Variants in GLUL observed in about 807,000 individuals in gnomAD.
GLUL encodes the protein glutamate-ammonia ligase.
A neutral mutation model predicts 36.9 loss-of-function variants in GLUL; 8 were observed. The ratio of observed to expected loss-of-function variants is 0.22; its 90% confidence interval spans 0.13 to 0.39. GLUL has a LOEUF of 0.39. Ranked by LOEUF, GLUL falls within the 10% of genes least tolerant of loss-of-function variation. The pLI is 1.00. For missense variants in GLUL, 315 were observed against 501.8 expected (o/e 0.63, Z 3.56); for synonymous variants, 182 against 172.8 (o/e 1.05, Z -0.42).
chr1:182,385,009 GA>G, intron 6 of GLUL: 1 of 398,316 alleles, frequency 2.5e-6, no homozygotes, highest in Admixed American at 4.1e-5. Flanking sequence ...TCAAATGCAT[GA>G]ATTTGTCAAC....
At position 182,384,028 on chromosome 1, in the gene GLUL, T is replaced by A; in HGVS notation, c.*377A>T. The A allele has an allele frequency of 3.4e-6, 1 of 298,350 alleles. No individual in the cohort carries two copies. The allele number at this position is 298,350 out of a possible 1,614,324, so 18.5% of individuals were successfully genotyped here. On this transcript the variant is annotated 3_prime_UTR_variant, in exon 7 of 7. Coordinates refer to ENST00000331872, the MANE Select transcript of GLUL (RefSeq NM_001033044.4). ...CAAGTCCTAACCTAACCAGAGTACG[T>A]CAGGTCTTCCCCTTTCAGCTACCTG...
chr1:182,386,014 G>T, intron 4 of GLUL, 127 bp from the exon 5 acceptor site: 1 of 1,033,290 alleles, frequency 9.7e-7, no homozygotes, highest in Non-Finnish European at 1.5e-6. Context: ...CAGGTGCGGG[G>T]CAGGGGAGGG....
chr1:182,384,326 C>T lies in GLUL; in HGVS notation c.*79G>A, dbSNP rs1004555787. The T allele has an allele frequency of 2.4e-5, 23 of 975,304 alleles. No individual in the cohort carries two copies. Among genetic ancestry groups the T allele is most frequent in the African/African-American group, 9.6e-5 (6 of 62,594 alleles). 60.4% of individuals were successfully genotyped at this position (975,304 alleles called of 1,614,324 possible). A position where few individuals can be genotyped will look rare whatever the true frequency, so the allele number is the denominator to read the frequency against. On this transcript the variant is annotated 3_prime_UTR_variant, in exon 7 of 7. Transcript: ENST00000331872. ...GATATTCCACCCTTTGAGTTACAAT[C>T]GGGACAACTGGGAGAGGGGGAAGAG... is the stretch of plus-strand genomic sequence containing the variant.
In GLUL at chr1:182,386,412, AG is replaced by A; in HGVS notation, c.329-11del. 6.3e-7 allele frequency: 1 copy of A among 1,597,632 alleles called. No homozygotes were observed. The highest frequency in any genetic ancestry group is 8.6e-7 in the Non-Finnish European group (1 of 1,164,992). On this transcript the variant is annotated splice_polypyrimidine_tract_variant and intron_variant, in intron 3 of 6. Coordinates refer to ENST00000331872, the MANE Select transcript of GLUL (RefSeq NM_001033044.4). ...TGCCTCAAATTGGTCTCTAGAAAAAAGAGTCAATAATACGCCATCAGGGATC... is the reference window on the plus strand; with the variant it reads ...TGCCTCAAATTGGTCTCTAGAAAAAAAGTCAATAATACGCCATCAGGGATC...
At chr1:182,390,794 T>C (rs1437575995) in intron 1 of GLUL, 3 of 399,130 alleles carry the variant, frequency 7.5e-6, no homozygotes, top group Non-Finnish European at 1.3e-5. Flanking sequence ...CTTCTCGTTG[T>C]CTTCATAATT....
intron 6 of GLUL, chr1:182,385,036 T>G: frequency 3.2e-6 from 1 of 309,040 alleles, no homozygotes. Context: ...CCTGTCACCA[T>G]GACATATGTC....
Position 182,385,483 on chromosome 1 carries a change from T to A in GLUL, c.677A>T (p.His226Leu). 6.2e-7 allele frequency: 1 copy of A among 1,613,992 alleles called. No homozygotes were observed. Among genetic ancestry groups the A allele is most frequent in the Non-Finnish European group, 8.5e-7 (1 of 1,179,884 alleles). ...CACTCCAAAGTCTTCACACACACGA[T>A]GCAAGATGAAACGGGCCACCCAGAG... Reference protein sequence around the residue: ...DHLWVARFILHRVCEDFGVIA... With the variant: ...DHLWVARFILLRVCEDFGVIA... The change falls in exon 6 of 7, where the codon CAT (histidine) becomes CTT (leucine). Residue 226 changes from histidine (H) to leucine (L), a missense_variant. Around this residue, in one of 3 missense-constraint regions of GLUL, gnomAD observed 256 missense variants for 396.1 expected, o/e 0.65. Coordinates refer to ENST00000331872, the MANE Select transcript of GLUL (RefSeq NM_001033044.4).
intron 2 of GLUL, among the ~76,000 whole-genome samples, chr1:182,387,897 A>G (rs1278446013): frequency 6.6e-6 from 1 of 152,226 alleles, no homozygotes; most frequent in African/African-American, 2.4e-5. Flanking sequence ...CAAGTACACA[A>G]TATAGGCTTT....
chr1:182,384,442 T>C lies in GLUL; in HGVS notation c.1085A>G (p.Asn362Ser), dbSNP rs138414181. The C allele has an allele frequency of 7.7e-5, 125 of 1,613,858 alleles. No individual in the cohort carries two copies. In the African/African-American group the frequency reaches 9.9e-4, roughly 13 times the overall value. ...CTGGAAGGGCTCATCGCCGGTTTCATTGAGAAGACACGTGCGGATGAGGGC... is the reference window on the plus strand; with the variant it reads ...CTGGAAGGGCTCATCGCCGGTTTCACTGAGAAGACACGTGCGGATGAGGGC... ...TEALIRTCLL[N>S]ETGDEPFQYK... is the part of the protein sequence containing the mutation. The change falls in exon 7 of 7, where the codon AAT becomes AGT. Residue 362 changes from asparagine to serine, a missense_variant. Asn to Ser is a conservative substitution (Grantham distance 46). Around this residue, in one of 3 missense-constraint regions of GLUL, gnomAD observed 58 missense variants for 89.5 expected, o/e 0.65. Transcript: ENST00000331872.
chr1:182,384,830 A>C (rs1650102198), intron 6 of GLUL, 107 bp from the exon 7 acceptor site: 1 of 817,644 alleles, frequency 1.2e-6, no homozygotes, highest in African/African-American at 1.7e-5. Flanking sequence ...TCATGAGGGC[A>C]GTGGCTGCAT....
Position 182,384,646 on chromosome 1 carries a change from A to C in GLUL, c.881T>G (p.Leu294Arg), listed in dbSNP as rs189435460. 2.5e-4 allele frequency: 398 copies of C among 1,614,156 alleles called. 1 individual carries two copies. Among genetic ancestry groups the C allele is most frequent in the Non-Finnish European group, 1.7e-4 (199 of 1,179,984 alleles). Residue 294 changes from leucine to arginine, a missense_variant, in exon 7 of 7, where the codon CTG becomes CGG. Physicochemically the swap from Leu to Arg is moderately radical, Grantham distance 102 (BLOSUM62 -2). This residue lies in a region of GLUL where 256 missense variants were observed against 396.1 expected (regional missense o/e 0.65). Coordinates refer to ENST00000331872, the MANE Select transcript of GLUL (RefSeq NM_001033044.4). ...TCCAGTTAGACGTCGGGCATTGTCC[A>C]GGCCTCCCTTGGGATCATAGGCACG... is the stretch of plus-strand genomic sequence containing the variant. ...HIRAYDPKGG[L>R]DNARRLTGFH...
Position 182,384,394 on chromosome 1 carries a change from G to A in GLUL, c.*11C>T, listed in dbSNP as rs1322667427. On this transcript the variant is annotated 3_prime_UTR_variant, in exon 7 of 7. Transcript: ENST00000331872. ...ACTAGGAGGGGCTCAACAGCTGGAG[G>A]TCTAGTCCACTTAATTTTTGTACTG... 1 of 1,581,566 alleles carries A rather than the reference G, an allele frequency of 6.3e-7. No homozygotes were observed.
rs906105999 is a variant in GLUL, at chr1:182,384,090, G to A, written c.*315C>T. 5 of 384,760 alleles carry A rather than the reference G, an allele frequency of 1.3e-5. No individual in the cohort carries two copies. Among genetic ancestry groups the A allele is most frequent in the East Asian group, 6.3e-5 (1 of 15,994 alleles). 23.8% of individuals were successfully genotyped at this position (384,760 alleles called of 1,614,324 possible). A position where few individuals can be genotyped will look rare whatever the true frequency, so the allele number is the denominator to read the frequency against. On this transcript the variant is annotated 3_prime_UTR_variant, in exon 7 of 7. Coordinates refer to ENST00000331872, the MANE Select transcript of GLUL (RefSeq NM_001033044.4). ...CCCCTTCTGCAAACGTGCTCTGTCC[G>A]GATAGCTACGCCTATTGGACAGGTG...
Position 182,384,429 on chromosome 1 carries a change from A to G in GLUL, c.1098T>C (p.Asp366=). 1 of 1,613,138 alleles carries G rather than the reference A, an allele frequency of 6.2e-7. No homozygotes were observed. The highest frequency in any genetic ancestry group is 8.5e-7 in the Non-Finnish European group (1 of 1,179,114). Residue 366 remains aspartate (D), a synonymous_variant, in exon 7 of 7, where the codon GAT becomes GAC. Coordinates refer to ENST00000331872, the MANE Select transcript of GLUL (RefSeq NM_001033044.4). ...IRTCLLNETG[D]EPFQYKN Reference sequence around the variant, plus strand: ...CTTAATTTTTGTACTGGAAGGGCTCATCGCCGGTTTCATTGAGAAGACACG... The same window carrying G: ...CTTAATTTTTGTACTGGAAGGGCTCGTCGCCGGTTTCATTGAGAAGACACG...
rs1166193147 is a variant in GLUL at position 182,379,226 on chromosome 1, T to C, written c.*5179A>G. On this transcript the variant is annotated 3_prime_UTR_variant, in exon 7 of 7. Coordinates refer to ENST00000331872, the MANE Select transcript of GLUL (RefSeq NM_001033044.4). ...TGATGAACTGCCACTTATTTATTTA[T>C]TTATTTGTTTATTTTTTGATATGTC... is the stretch of plus-strand genomic sequence containing the variant. 6.6e-6 allele frequency among the ~76,000 whole-genome samples: 1 copy of C among 152,036 alleles called. No homozygotes were observed. Among genetic ancestry groups the C allele is most frequent in the African/African-American group, 2.4e-5 (1 of 41,388 alleles).
At chr1:182,386,631 A>T in intron 3 of GLUL, 1 of 583,292 alleles carries the variant, frequency 1.7e-6, no homozygotes, top group Non-Finnish European at 3.1e-6. Flanking sequence ...AACTAAACTC[A>T]GTTACAACCA....
rs775305180 is a variant in GLUL at position 182,380,310 on chromosome 1, T to C, written c.*4095A>G. On this transcript the variant is annotated 3_prime_UTR_variant, in exon 7 of 7. Coordinates refer to ENST00000331872, the MANE Select transcript of GLUL (RefSeq NM_001033044.4). ...TTTCAATTTGTTTTTTGGGGTTTTGTTTGTTTTGTTTTGTTTAGGCAAGGT... is the reference window on the plus strand; with the variant it reads ...TTTCAATTTGTTTTTTGGGGTTTTGCTTGTTTTGTTTTGTTTAGGCAAGGT... 3.4e-5 allele frequency among the ~76,000 whole-genome samples: 5 copies of C among 148,272 alleles called. No homozygotes were observed. Among genetic ancestry groups the C allele is most frequent in the Non-Finnish European group, 6.1e-5 (4 of 65,606 alleles).
chr1:182,380,982 G>A lies in GLUL; in HGVS notation c.*3423C>T, dbSNP rs1337420263. Reference sequence around the variant, plus strand: ...ACATGGCCCTAGGCCGGGTGCAGTGGCTCACGCCTGTAATCCCAGCACTTT... The same window carrying A: ...ACATGGCCCTAGGCCGGGTGCAGTGACTCACGCCTGTAATCCCAGCACTTT... On this transcript the variant is annotated 3_prime_UTR_variant, in exon 7 of 7. Transcript: ENST00000331872. Among the ~76,000 whole-genome samples the A allele has an allele frequency of 6.6e-6, 1 of 152,262 alleles. No individual in the cohort carries two copies.
At position 182,385,407 on chromosome 1, in the gene GLUL, G is replaced by A. The variant is rs758943303; in HGVS notation, c.753C>T (p.Gly251=). 15 of 1,613,660 alleles carry A rather than the reference G, an allele frequency of 9.3e-6. No homozygotes were observed. The African/African-American group carries it at 1.7e-4, about 19-fold the overall frequency. Residue 251 remains glycine, a synonymous_variant, in exon 6 of 7, where the codon GGC becomes GGT. Coordinates refer to ENST00000331872, the MANE Select transcript of GLUL (RefSeq NM_001033044.4). ...KPIPGNWNGA[G]CHTNFSTKAM... ...CCTTGGTGCTGAAGTTGGTATGGCA[G>A]CCTGCACCATTCCAGTTCCCAGGAA...
Sources: allele counts gnomAD v4.1 joint callset (sites outside exome capture counted in the v4.1 genomes callset), GRCh38; gene constraint gnomAD v4.1.1; regional missense constraint gnomAD v4.1.1; transcripts MANE v1.5; gene names NCBI Gene and HGNC (gene_info 2026-07-23, HGNC 2026-07-21).